TRHDE: variants seen among roughly 807,000 people sequenced by gnomAD.
TRHDE encodes the protein thyrotropin releasing hormone degrading enzyme.
TRHDE carries 72 observed loss-of-function variants against 125.7 expected under a neutral mutation model. That is an observed-to-expected ratio of 0.57 (90% confidence interval 0.47 to 0.70). TRHDE has a LOEUF of 0.70. Among genes scored for constraint, TRHDE ranks in the 30% least tolerant of loss-of-function variants. The probability of loss-of-function intolerance (pLI) is 0.00; values close to 1 mark genes in which losing one functional copy is unlikely to be tolerated. For synonymous variants in TRHDE, 509 were observed against 509.1 expected (o/e 1.00, Z 0.00); for missense variants, 1,110 against 1,327.1 (o/e 0.84, Z 2.54).
At chr12:72,599,388 A>G (rs1056331875) in intron 12 of TRHDE, among the ~76,000 whole-genome samples, 1 of 151,818 alleles carries the variant, frequency 6.6e-6, no homozygotes, top group Non-Finnish European at 1.5e-5. Flanking sequence ...AGCATCTACT[A>G]TTTTTTGACT....
intron 3 of TRHDE, among the ~76,000 whole-genome samples, chr12:72,410,271 A>G (rs774316103): frequency 5.6e-4 from 85 of 152,184 alleles, no homozygotes; most frequent in African/African-American, 2.0e-3. Flanking sequence ...AAATATTCCT[A>G]CAAAGAACTC....
chr12:72,148,878 T>C (rs1296823252), intron 2 of TRHDE, among the ~76,000 whole-genome samples: 1 of 152,172 alleles, frequency 6.6e-6, no homozygotes, highest in Non-Finnish European at 1.5e-5. Flanking sequence ...ACAAAGTATG[T>C]CAGTATGATT....
chr12:72,447,841 A>T (rs1423781409), intron 3 of TRHDE, among the ~76,000 whole-genome samples: 3 of 152,154 alleles, frequency 2.0e-5, no homozygotes, highest in South Asian at 2.1e-4. Flanking sequence ...ATTCTAAGGT[A>T]CAGCACAGCT....
rs1406864917 is a variant in TRHDE, at chr12:72,361,860, A to G, written c.1189-16135A>G. On this transcript the variant is annotated intron_variant, in intron 2 of 18. Coordinates refer to ENST00000261180, the MANE Select transcript of TRHDE (RefSeq NM_013381.3). ...AGTTTACTGAGAATGATGATTTCCA[A>G]TTTCATCCATGTCCCTACAAAGGAC... 3.2e-3 allele frequency among the ~76,000 whole-genome samples: 346 copies of G among 107,202 alleles called. 1 individual carries two copies. The highest frequency in any genetic ancestry group is 7.9e-3 in the Middle Eastern group (2 of 254). The allele number at this position is 107,202 out of a possible 152,430, so 70.3% of individuals were successfully genotyped here. A position where few individuals can be genotyped will look rare whatever the true frequency, so the allele number is the denominator to read the frequency against.
chr12:72,602,562 G>T (rs2136060613), intron 12 of TRHDE, among the ~76,000 whole-genome samples: 1 of 152,188 alleles, frequency 6.6e-6, no homozygotes, highest in East Asian at 1.9e-4. Context: ...TACCATTTTT[G>T]CAAGAAGCAG....
At chr12:72,456,031 G>A (rs1239155664) in intron 3 of TRHDE, among the ~76,000 whole-genome samples, 1 of 150,182 alleles carries the variant, frequency 6.7e-6, no homozygotes, top group African/African-American at 2.5e-5. Flanking sequence ...TTTGATTTCT[G>A]ATGTGTATAT....
chr12:72,579,448 A>G (rs1871143347), intron 12 of TRHDE, among the ~76,000 whole-genome samples: 1 of 152,152 alleles, frequency 6.6e-6, no homozygotes, highest in African/African-American at 2.4e-5. Flanking sequence ...TTAAAAACCT[A>G]ATAGAAAATG....
chr12:72,510,408 C>G (rs897560373), intron 6 of TRHDE, among the ~76,000 whole-genome samples: 3 of 152,106 alleles, frequency 2.0e-5, no homozygotes, highest in Non-Finnish European at 4.4e-5. Context: ...ATAATAGTAT[C>G]AGCTACTTTT....
chr12:72,261,991 A>G (rs540295515), intron 2 of TRHDE, among the ~76,000 whole-genome samples: 1 of 152,268 alleles, frequency 6.6e-6, no homozygotes, highest in Admixed American at 6.5e-5. Context: ...CCAGAAGATT[A>G]AGTTCCTCAG....
At chr12:72,179,005 A>G (rs1877043698) in intron 2 of TRHDE, among the ~76,000 whole-genome samples, 1 of 152,090 alleles carries the variant, frequency 6.6e-6, no homozygotes, top group Non-Finnish European at 1.5e-5. Context: ...CTGAAACAAT[A>G]TGGCCTTGAG....
chr12:72,205,842 T>A (rs1443488004), intron 2 of TRHDE, among the ~76,000 whole-genome samples: 1 of 152,180 alleles, frequency 6.6e-6, no homozygotes, highest in Admixed American at 6.5e-5. Context: ...TGAGATCCTG[T>A]TTTTAATGCT....
At chr12:72,478,951 T>G (rs919521093) in intron 5 of TRHDE, among the ~76,000 whole-genome samples, 5 of 144,556 alleles carry the variant, frequency 3.5e-5, no homozygotes, top group Non-Finnish European at 4.5e-5. Context: ...ACAAAAACAG[T>G]TAAAATGAGA....
intron 2 of TRHDE, among the ~76,000 whole-genome samples, chr12:72,130,751 T>C (rs377114064): frequency 2.0e-5 from 3 of 152,174 alleles, no homozygotes; most frequent in African/African-American, 7.2e-5. Flanking sequence ...GTATGGCTAT[T>C]AAGTACAGGA....
At chr12:72,179,781 AACACAGTATCTTG>A (rs1877059088) in intron 2 of TRHDE, among the ~76,000 whole-genome samples, 1 of 152,186 alleles carries the variant, frequency 6.6e-6, no homozygotes, top group Non-Finnish European at 1.5e-5. Flanking sequence ...TACAGCAGCT[AACACAGTATCTTG>A]TATATACAGT....
intron 2 of TRHDE, among the ~76,000 whole-genome samples, chr12:72,241,347 T>C (rs1014796009): frequency 6.6e-6 from 1 of 152,000 alleles, no homozygotes; most frequent in African/African-American, 2.4e-5. Context: ...GCTGATCTAG[T>C]TTTTTTTACT....
chr12:72,447,578 G>A (rs940241379), intron 3 of TRHDE, among the ~76,000 whole-genome samples: 1 of 151,992 alleles, frequency 6.6e-6, no homozygotes, highest in African/African-American at 2.4e-5. Context: ...CAAGCAATCT[G>A]TTTTATGAAA....
At chr12:72,650,323 G>A (rs915166938) in intron 15 of TRHDE, among the ~76,000 whole-genome samples, 2 of 152,094 alleles carry the variant, frequency 1.3e-5, no homozygotes, top group Non-Finnish European at 2.9e-5. Context: ...TTTAAAAAGT[G>A]AAGCTTATGA....
chr12:72,367,075 TA>T (rs931648775), intron 2 of TRHDE, among the ~76,000 whole-genome samples: 2 of 152,110 alleles, frequency 1.3e-5, no homozygotes, highest in Admixed American at 6.6e-5. Context: ...GCCTCCTTCT[TA>T]GCACTGAGAT....
intron 15 of TRHDE, among the ~76,000 whole-genome samples, chr12:72,631,753 T>A (rs1873504833): frequency 6.6e-6 from 1 of 151,906 alleles, no homozygotes; most frequent in East Asian, 1.9e-4. Context: ...CAAAATAAAA[T>A]CCATTTTTGG....
Sources: allele counts gnomAD v4.1 joint callset (sites outside exome capture counted in the v4.1 genomes callset), GRCh38; gene constraint gnomAD v4.1.1; transcripts MANE v1.5; gene names NCBI Gene and HGNC (gene_info 2026-07-23, HGNC 2026-07-21).